TRHDE: variants seen among roughly 807,000 people sequenced by gnomAD.
TRHDE encodes the protein thyrotropin releasing hormone degrading enzyme.
TRHDE carries 72 observed loss-of-function variants against 125.7 expected under a neutral mutation model. The observed-to-expected ratio is 0.57, with a 90% CI of 0.47 to 0.70. The LOEUF (loss-of-function observed/expected upper bound fraction) is 0.70, where lower values mean the gene tolerates loss of function less well. Among genes scored for constraint, TRHDE ranks in the 30% least tolerant of loss-of-function variants. The pLI is 0.00. For synonymous variants in TRHDE, 509 were observed against 509.1 expected, an observed-to-expected ratio of 1.00 and a Z score of 0.00; for missense variants, 1,110 against 1,327.1, an observed-to-expected ratio of 0.84 and a Z score of 2.54.
chr12:72,542,978 G>C (rs1869229687), intron 7 of TRHDE, among the ~76,000 whole-genome samples: 1 of 151,268 alleles, frequency 6.6e-6, no homozygotes, highest in Non-Finnish European at 1.5e-5. Flanking sequence ...CAAGTATACT[G>C]AAAAAACTTT....
At chr12:72,493,880 G>A (rs1038239035) in intron 5 of TRHDE, among the ~76,000 whole-genome samples, 3 of 151,960 alleles carry the variant, frequency 2.0e-5, no homozygotes, top group Non-Finnish European at 4.4e-5. Flanking sequence ...GCCTAAGGCA[G>A]AATAATTAAC....
At chr12:72,328,523 G>A (rs1283981198) in intron 2 of TRHDE, among the ~76,000 whole-genome samples, 1 of 150,894 alleles carries the variant, frequency 6.6e-6, no homozygotes, top group Admixed American at 6.6e-5. Flanking sequence ...ATAAAAATAG[G>A]AAAGCAATGT....
At chr12:72,329,049 A>G (rs1869464701) in intron 2 of TRHDE, among the ~76,000 whole-genome samples, 1 of 152,196 alleles carries the variant, frequency 6.6e-6, no homozygotes, top group Non-Finnish European at 1.5e-5. Context: ...TTCTTTATTC[A>G]TTCCATCACA....
chr12:72,649,287 T>TA lies in TRHDE; in HGVS notation c.2676-3024dup, dbSNP rs376687856. On this transcript the variant is annotated intron_variant, in intron 15 of 18. Coordinates refer to ENST00000261180, the MANE Select transcript of TRHDE (RefSeq NM_013381.3). Reference sequence around the variant, plus strand: ...CAATGGTGACAAATACACAAAAAGATAAAAAAAAAAAGATAGTGTTTTCAA... The same window carrying TA: ...CAATGGTGACAAATACACAAAAAGATAAAAAAAAAAAAGATAGTGTTTTCAA... 5.7e-3 allele frequency among the ~76,000 whole-genome samples: 812 copies of TA among 141,514 alleles called. 3 individuals carry two copies. Among genetic ancestry groups the TA allele is most frequent in the Middle Eastern group, 0.033 (9 of 274 alleles). The allele number at this position is 141,514 out of a possible 152,430, so 92.8% of individuals were successfully genotyped here.
intron 2 of TRHDE, among the ~76,000 whole-genome samples, chr12:72,238,299 T>TATATATATATATATATATAC (rs1878385001): frequency 6.0e-5 from 2 of 33,342 alleles, no homozygotes; most frequent in Non-Finnish European, 1.2e-4. Flanking sequence ...TATATATATA[T>TATATATATATATATATATAC]ATATATATAT....
At chr12:72,612,542 T>C (rs1352783194) in intron 12 of TRHDE, among the ~76,000 whole-genome samples, 2 of 152,168 alleles carry the variant, frequency 1.3e-5, no homozygotes, top group Non-Finnish European at 2.9e-5. Flanking sequence ...TCATTAGCCA[T>C]GTGAGCTTGG....
At chr12:72,575,811 C>A (rs1870966752) in intron 12 of TRHDE, among the ~76,000 whole-genome samples, 1 of 152,096 alleles carries the variant, frequency 6.6e-6, no homozygotes, top group Non-Finnish European at 1.5e-5. Context: ...TTCCCAAATT[C>A]ATTAATGAAC....
intron 2 of TRHDE, among the ~76,000 whole-genome samples, chr12:72,112,426 A>ACTGG (rs1875337443): frequency 6.6e-6 from 1 of 152,206 alleles, no homozygotes; most frequent in African/African-American, 2.4e-5. Context: ...AATTGCTTTA[A>ACTGG]AATATGTGTA....
intron 2 of TRHDE, among the ~76,000 whole-genome samples, chr12:72,202,707 C>G: frequency 6.6e-6 from 1 of 152,216 alleles, no homozygotes; most frequent in East Asian, 1.9e-4. Flanking sequence ...ATTATCTTCT[C>G]TAAGTCCCAT....
intron 12 of TRHDE, among the ~76,000 whole-genome samples, chr12:72,587,426 G>C (rs1370688316): frequency 6.6e-6 from 1 of 152,022 alleles, no homozygotes; most frequent in Non-Finnish European, 1.5e-5. Flanking sequence ...TGAATTTGTA[G>C]ATAGATGATA....
intron 12 of TRHDE, among the ~76,000 whole-genome samples, chr12:72,597,699 A>ATGTGTG (rs1187381736): frequency 1.5e-5 from 1 of 66,232 alleles, no homozygotes; most frequent in Non-Finnish European, 2.3e-5. Context: ...AGGTATATAT[A>ATGTGTG]TGTGTGTGTG....
At chr12:72,511,357 A>G (rs374073259) in intron 6 of TRHDE, among the ~76,000 whole-genome samples, 2 of 152,286 alleles carry the variant, frequency 1.3e-5, no homozygotes, top group East Asian at 3.9e-4. Flanking sequence ...TTAGAAAAGA[A>G]CTACTAGCTT....
intron 2 of TRHDE, among the ~76,000 whole-genome samples, chr12:72,350,321 C>T (rs757619590): frequency 1.1e-4 from 17 of 152,148 alleles, no homozygotes; most frequent in Non-Finnish European, 2.1e-4. Flanking sequence ...AAGTAGGAAA[C>T]ATAACCAGGA....
At chr12:72,114,741 C>T (rs1394014587) in intron 2 of TRHDE, among the ~76,000 whole-genome samples, 2 of 151,808 alleles carry the variant, frequency 1.3e-5, no homozygotes, top group African/African-American at 4.8e-5. Flanking sequence ...AATGTGGGGA[C>T]CCATAAATAG....
At chr12:72,285,805 C>G (rs1464844227) in intron 1 of TRHDE, among the ~76,000 whole-genome samples, 1 of 152,150 alleles carries the variant, frequency 6.6e-6, no homozygotes, top group Non-Finnish European at 1.5e-5. Flanking sequence ...AAGTGTGAGC[C>G]ACCATGCCGG....
At chr12:72,580,803 A>C (rs1241745620) in intron 12 of TRHDE, among the ~76,000 whole-genome samples, 1 of 152,214 alleles carries the variant, frequency 6.6e-6, no homozygotes, top group Non-Finnish European at 1.5e-5. Context: ...GGGATATAAA[A>C]GTGAACAAGA....
chr12:72,502,241 C>T (rs78242745), intron 6 of TRHDE, among the ~76,000 whole-genome samples: 167 of 152,060 alleles, frequency 1.1e-3, no homozygotes, highest in Non-Finnish European at 2.0e-3. Flanking sequence ...AAGGTAGAAG[C>T]TGAGGTCATT....
chr12:72,444,781 A>T (rs1261426733), intron 3 of TRHDE, among the ~76,000 whole-genome samples: 2 of 151,896 alleles, frequency 1.3e-5, no homozygotes, highest in African/African-American at 2.4e-5. Flanking sequence ...GTTAAGGATC[A>T]CATAGTGAAA....
chr12:72,574,067 G>A (rs1470897056), intron 10 of TRHDE, among the ~76,000 whole-genome samples: 1 of 152,030 alleles, frequency 6.6e-6, no homozygotes, highest in African/African-American at 2.4e-5. Context: ...CTTCATTCCA[G>A]ACCTGAGAAA....
Sources: allele counts gnomAD v4.1 joint callset (sites outside exome capture counted in the v4.1 genomes callset), GRCh38; gene constraint gnomAD v4.1.1; transcripts MANE v1.5; gene names NCBI Gene and HGNC (gene_info 2026-07-23, HGNC 2026-07-21).